MTOR: variants seen among roughly 807,000 people sequenced by gnomAD.
MTOR encodes the protein mechanistic target of rapamycin kinase, also known as serine/threonine-protein kinase mTOR.
In MTOR, 70 loss-of-function variants were observed where a neutral mutation model predicts 319.8. That is an observed-to-expected ratio of 0.22 (90% CI 0.18 to 0.27). The LOEUF is 0.27. MTOR is among the 10% of genes least tolerant of loss of function. The probability of loss-of-function intolerance (pLI) is 1.00; values close to 1 mark genes in which losing one functional copy is unlikely to be tolerated. For synonymous variants in MTOR, 1,183 were observed against 1,211.4 expected (o/e 0.98, Z 0.49); for missense variants, 1,890 against 3,274.4 (o/e 0.58, Z 10.32).
chr1:11,210,295 C>T lies in MTOR; in HGVS notation c.3654+519G>A, dbSNP rs1569570281. Among the ~76,000 whole-genome samples, 5 of 152,264 alleles carry T rather than the reference C, an allele frequency of 3.3e-5. No homozygotes were observed. In the Middle Eastern group the frequency reaches 0.017, roughly 518 times the overall value. On this transcript the variant is annotated intron_variant, in intron 24 of 57. Transcript: ENST00000361445. ...TCCTCGGTAACTGGGACCACAGGTACCCGCCATCATGACCAGCTAATTTTT... is the reference window on the plus strand; with the variant it reads ...TCCTCGGTAACTGGGACCACAGGTATCCGCCATCATGACCAGCTAATTTTT...
chr1:11,251,490 TA>T (rs1331718901), intron 6 of MTOR, among the ~76,000 whole-genome samples: 1 of 152,222 alleles, frequency 6.6e-6, no homozygotes, highest in Non-Finnish European at 1.5e-5. Context: ...TTTTTACTTG[TA>T]TATTATCTAT....
intron 24 of MTOR, among the ~76,000 whole-genome samples, chr1:11,209,730 T>C (rs1365769564): frequency 2.6e-5 from 4 of 152,156 alleles, no homozygotes; most frequent in African/African-American, 9.7e-5. Context: ...TTGTCGGCAA[T>C]GGGAAAAGTG....
Position 11,106,815 on chromosome 1 carries a change from C to G in MTOR, c.*670G>C, listed in dbSNP as rs1641600606. 12 of 1,300,400 alleles carry G rather than the reference C, an allele frequency of 9.2e-6. No individual in the cohort carries two copies. Among genetic ancestry groups the G allele is most frequent in the Non-Finnish European group, 1.2e-5 (12 of 1,004,442 alleles). The allele number at this position is 1,300,400 out of a possible 1,614,324, so 80.6% of individuals were successfully genotyped here. On this transcript the variant is annotated 3_prime_UTR_variant, in exon 58 of 58. Coordinates refer to ENST00000361445, the MANE Select transcript of MTOR (RefSeq NM_004958.4). ...TGGTCCCACTGCACAGTGATCCCCT[C>G]TGTGCATCTGCTCAGCCGAGGCTGC...
intron 19 of MTOR, among the ~76,000 whole-genome samples, chr1:11,217,037 A>C (rs1646492508): frequency 1.3e-5 from 2 of 152,222 alleles, no homozygotes; most frequent in Admixed American, 1.3e-4. Context: ...TTCCTTCCTA[A>C]AATAAATACA....
chr1:11,255,752 G>A (rs1269067585), intron 5 of MTOR, among the ~76,000 whole-genome samples: 3 of 151,680 alleles, frequency 2.0e-5, no homozygotes, highest in Non-Finnish European at 4.4e-5. Context: ...GGCTAAGGTG[G>A]GAGAAAATCG....
Position 11,223,245 on chromosome 1 carries a change from T to A in MTOR, c.3030+5423A>T, listed in dbSNP as rs146923665. Among the ~76,000 whole-genome samples, 395 of 152,076 alleles carry A rather than the reference T, an allele frequency of 2.6e-3. 2 individuals carry two copies. The highest frequency in any genetic ancestry group is 8.1e-3 in the African/African-American group (337 of 41,464). On this transcript the variant is annotated intron_variant, in intron 19 of 57. Transcript: ENST00000361445. ...TTATATACATCAACCAAATGCCAGATGTAGACCTTATATAGATTTTTATTT... is the reference window on the plus strand; with the variant it reads ...TTATATACATCAACCAAATGCCAGAAGTAGACCTTATATAGATTTTTATTT...
At chr1:11,229,678 A>G (rs1646955600) in intron 18 of MTOR, among the ~76,000 whole-genome samples, 1 of 152,224 alleles carries the variant, frequency 6.6e-6, no homozygotes, top group African/African-American at 2.4e-5. Context: ...TTTTCCTGGA[A>G]TAGTTGGGAG....
At chr1:11,236,205 C>T (rs1167618959) in intron 13 of MTOR, among the ~76,000 whole-genome samples, 3 of 150,050 alleles carry the variant, frequency 2.0e-5, no homozygotes, top group African/African-American at 7.4e-5. Context: ...GGCACAATCA[C>T]GGCTCACTGC....
At chr1:11,119,701 G>A (rs1236104396) in intron 49 of MTOR, among the ~76,000 whole-genome samples, 10 of 149,258 alleles carry the variant, frequency 6.7e-5, no homozygotes, top group Non-Finnish European at 8.9e-5. Context: ...AGCCGAGATC[G>A]TGCTGCTGCA....
chr1:11,108,411 A>G lies in MTOR; in HGVS notation c.7529-125T>C, dbSNP rs1219156316. On this transcript the variant is annotated intron_variant, in intron 56 of 57. Transcript: ENST00000361445. The stretch of plus-strand genomic sequence containing the variant: ...AGACATGAAGATGAAGGATACCATC[A>G]TAGTTGGATTTGAAAAGTTTGGCCA... The G allele has an allele frequency of 8.8e-6, 7 of 791,450 alleles. No individual in the cohort carries two copies. The Admixed American group carries it at 1.4e-4, about 15-fold the overall frequency. 49.0% of individuals were successfully genotyped at this position (791,450 alleles called of 1,614,324 possible). A position where few individuals can be genotyped will look rare whatever the true frequency, so the allele number is the denominator to read the frequency against.
intron 25 of MTOR, among the ~76,000 whole-genome samples, chr1:11,205,958 G>A (rs1461278013): frequency 2.0e-5 from 3 of 152,202 alleles, no homozygotes; most frequent in African/African-American, 7.2e-5. Flanking sequence ...GGGATACACT[G>A]GAGATGTGCT....
chr1:11,157,357 C>T (rs1644350903), intron 29 of MTOR, 66 bp from the exon 30 acceptor site: 1 of 1,549,086 alleles, frequency 6.5e-7, no homozygotes, highest in African/African-American at 1.4e-5. Context: ...GTTTAATCCA[C>T]ATACTCTCTT....
rs747079824 is a variant in MTOR at position 11,122,083 on chromosome 1, G to C, written c.6706C>G (p.Leu2236Val). Residue 2236 changes from leucine (L) to valine (V), a missense_variant, in exon 48 of 58, where the codon CTC becomes GTC. By Grantham distance (32) the Leu-to-Val change is conservative. Around this residue, in one of 15 missense-constraint regions of MTOR, gnomAD observed 249 missense variants for 596.2 expected, o/e 0.42. Coordinates refer to ENST00000361445, the MANE Select transcript of MTOR (RefSeq NM_004958.4). ...TCACAGTGGGGAACCCAGCCAATGA[G>C]GCCCGAGTTGGTCGATAAAGGGATG... ...AVIPLSTNSG[L>V]IGWVPHCDTL... 1 of 1,614,240 alleles carries C rather than the reference G, an allele frequency of 6.2e-7. No homozygotes were observed. The highest frequency in any genetic ancestry group is 1.1e-5 in the South Asian group (1 of 91,086).
intron 8 of MTOR, among the ~76,000 whole-genome samples, chr1:11,244,061 G>T (rs1430854137): frequency 6.6e-6 from 1 of 151,604 alleles, no homozygotes; most frequent in Non-Finnish European, 1.5e-5. Context: ...GGGACACCAA[G>T]GCAGGAGGAT....
intron 28 of MTOR, among the ~76,000 whole-genome samples, chr1:11,188,270 G>A (rs994774315): frequency 1.3e-5 from 2 of 152,156 alleles, no homozygotes; most frequent in Admixed American, 1.3e-4. Flanking sequence ...TTTTAAGGAT[G>A]TTTGCTGAAA....
intron 30 of MTOR, among the ~76,000 whole-genome samples, chr1:11,154,866 C>T (rs1644268665): frequency 6.6e-6 from 1 of 151,758 alleles, no homozygotes; most frequent in African/African-American, 2.4e-5. Flanking sequence ...AAAAAGAAGG[C>T]TGTGCACAGT....
chr1:11,262,223 G>A (rs952423206), intron 1 of MTOR, among the ~76,000 whole-genome samples: 8 of 152,244 alleles, frequency 5.3e-5, no homozygotes, highest in Non-Finnish European at 7.3e-5. Flanking sequence ...CGGACGTACC[G>A]CGGGCCGAAG....
intron 34 of MTOR, among the ~76,000 whole-genome samples, chr1:11,143,437 G>A (rs1043566117): frequency 2.0e-5 from 3 of 152,212 alleles, no homozygotes; most frequent in African/African-American, 7.2e-5. Context: ...ATTGGGGTGT[G>A]TACAAATCAA....
Position 11,232,452 on chromosome 1 carries a change from A to G in MTOR, c.2498T>C (p.Leu833Ser). ...AATACTCACCTGCCTTTTGGCCAAC[A>G]AAGAGGAATCCTGGAGCATGTCCAT... ...IIMDMLQDSSLLAKRQVALWT... is the reference protein window; with the variant it reads ...IIMDMLQDSSSLAKRQVALWT... Residue 833 changes from leucine to serine, a missense_variant, in exon 16 of 58, where the codon TTG (leucine) becomes TCG (serine). Physicochemically the swap from Leu to Ser is moderately radical, Grantham distance 145 (BLOSUM62 -2). Coordinates refer to ENST00000361445, the MANE Select transcript of MTOR (RefSeq NM_004958.4). The G allele has an allele frequency of 1.2e-6, 2 of 1,613,908 alleles. No homozygotes were observed. The highest frequency in any genetic ancestry group is 1.7e-6 in the Non-Finnish European group (2 of 1,179,812).
Sources: allele counts gnomAD v4.1 joint callset (sites outside exome capture counted in the v4.1 genomes callset), GRCh38; gene constraint gnomAD v4.1.1; regional missense constraint gnomAD v4.1.1; transcripts MANE v1.5; gene names NCBI Gene and HGNC (gene_info 2026-07-23, HGNC 2026-07-21).